RORC: variants seen among roughly 807,000 people sequenced by gnomAD.
The protein encoded by RORC is RAR related orphan receptor C.
In RORC, 13 loss-of-function variants were observed where a neutral mutation model predicts 64.5. That is an observed-to-expected ratio of 0.20 (90% CI 0.13 to 0.32). The LOEUF is 0.32. Among genes scored for constraint, RORC ranks in the 10% least tolerant of loss-of-function variants. RORC has a pLI of 1.00. For missense variants in RORC, 468 were observed against 669.5 expected (o/e 0.70, Z 3.32); for synonymous variants, 277 against 259.3 (o/e 1.07, Z -0.65).
At chr1:151,820,012 C>T (rs1362503916) in intron 2 of RORC, among the ~76,000 whole-genome samples, 1 of 152,158 alleles carries the variant, frequency 6.6e-6, no homozygotes, top group Non-Finnish European at 1.5e-5. Flanking sequence ...AAAACAGAGA[C>T]ATAGATCTAG....
In RORC at chr1:151,815,350, C is replaced by T. The variant is rs200303989; in HGVS notation, c.374G>A (p.Arg125Gln). The T allele has an allele frequency of 2.1e-5, 34 of 1,587,980 alleles. No homozygotes were observed. The East Asian group carries it at 5.2e-4, about 24-fold the overall frequency. ...HAEVQKQLQQ[R>Q]QQQQQEPVVK... ...CACTGGTTCCTGTTGCTGCTGTTGC[C>T]GCTGCTGCAGCTGTTTCTGCACTTC... Residue 125 changes from arginine to glutamine, a missense_variant, in exon 5 of 11, where the codon CGG (arginine) becomes CAG (glutamine). Transcript: ENST00000318247.
intron 4 of RORC, among the ~76,000 whole-genome samples, chr1:151,816,066 GC>G (rs1428721474): frequency 6.6e-6 from 1 of 152,176 alleles, no homozygotes; most frequent in African/African-American, 2.4e-5. Flanking sequence ...GTGCTGACGG[GC>G]TCCTTCTGGC....
intron 2 of RORC, 95 bp downstream of exon 2, chr1:151,829,334 T>G (rs977786099): frequency 7.3e-6 from 9 of 1,238,550 alleles, no homozygotes; most frequent in Non-Finnish European, 1.0e-5. Flanking sequence ...CTCCTCCACC[T>G]CTGTCCAACC....
rs201231887 is a variant in RORC at position 151,807,342 on chromosome 1, G to C, written c.*130C>G. On this transcript the variant is annotated 3_prime_UTR_variant, in exon 11 of 11. Transcript: ENST00000318247. The surrounding 1 kb of genome is among the most constrained non-coding windows in gnomAD (Gnocchi z 5.0). Reference sequence around the variant, plus strand: ...TGACAGAAAGCCAGCCGCAGCATCTGCTCACTTCCAAAGAGCTGGTGGGGA... The same window carrying C: ...TGACAGAAAGCCAGCCGCAGCATCTCCTCACTTCCAAAGAGCTGGTGGGGA... The C allele has an allele frequency of 1.1e-6, 1 of 876,118 alleles. No homozygotes were observed. The highest frequency in any genetic ancestry group is 1.9e-5 in the South Asian group (1 of 52,030). The allele number at this position is 876,118 out of a possible 1,614,324, so 54.3% of individuals were successfully genotyped here.
intron 1 of RORC, chr1:151,831,149 C>T: frequency 3.2e-6 from 4 of 1,262,348 alleles, no homozygotes; most frequent in Non-Finnish European, 3.1e-6. Flanking sequence ...AGATGAAATC[C>T]CACATCCCTG....
chr1:151,814,773 G>A, intron 5 of RORC, 78 bp from the exon 6 acceptor site: 1 of 1,558,242 alleles, frequency 6.4e-7, no homozygotes, highest in Non-Finnish European at 8.7e-7. Context: ...TTCTCAGCCT[G>A]GCCTATCCTG....
In RORC at chr1:151,815,047, G is replaced by T. The variant is rs755454173; in HGVS notation, c.677C>A (p.Pro226His). The change falls in exon 5 of 11, where the codon CCT (proline) becomes CAT (histidine). Residue 226 changes from proline to histidine, a missense_variant. This residue lies in a region of RORC where 241 missense variants were observed against 295.5 expected (regional missense o/e 0.82). Transcript: ENST00000318247. ...SFYSTGSQLT[P>H]DRCGLRFEEH... ...CTCAAAACGAAGTCCACATCGGTCA[G>T]GGGTCAGCTGGCTGCCTGTGCTATA... 5.0e-6 allele frequency: 8 copies of T among 1,614,250 alleles called. No homozygotes were observed. Among genetic ancestry groups the T allele is most frequent in the Non-Finnish European group, 6.8e-6 (8 of 1,180,044 alleles).
chr1:151,815,070 A>G lies in RORC; in HGVS notation c.654T>C (p.Tyr218=). The change falls in exon 5 of 11, where the codon TAT becomes TAC. Residue 218 remains tyrosine (Y), a synonymous_variant. Coordinates refer to ENST00000318247, the MANE Select transcript of RORC (RefSeq NM_005060.4). ...RGKAEGRESF[Y]STGSQLTPDR... The stretch of plus-strand genomic sequence containing the variant: ...CAGGGGTCAGCTGGCTGCCTGTGCT[A>G]TAGAAGCTCTCTCTGCCCTCAGCCT... 6.2e-7 allele frequency: 1 copy of G among 1,614,222 alleles called. No homozygotes were observed. Among genetic ancestry groups the G allele is most frequent in the Non-Finnish European group, 8.5e-7 (1 of 1,180,044 alleles).
At chr1:151,816,321 C>A (rs952520295) in intron 4 of RORC, among the ~76,000 whole-genome samples, 2 of 152,200 alleles carry the variant, frequency 1.3e-5, no homozygotes, top group African/African-American at 4.8e-5. Flanking sequence ...AGAACTACAA[C>A]AACAGGGTAG....
chr1:151,829,455 A>T lies in RORC; in HGVS notation c.44T>A (p.Leu15Gln). The change falls in exon 2 of 11, where the codon CTG (leucine) becomes CAG (glutamine). Residue 15 changes from leucine (L) to glutamine (Q), a missense_variant. Physicochemically the swap from Leu to Gln is moderately radical, Grantham distance 113. This residue lies in a region of RORC where 21 missense variants were observed against 20.6 expected (regional missense o/e 1.02). Coordinates refer to ENST00000318247, the MANE Select transcript of RORC (RefSeq NM_005060.4). ...GGTGTGGGTCTTCTTTGCAGCCAGCAGCTCTGTAAAGACAAGAGAGGGGGT... is the reference window on the plus strand; with the variant it reads ...GGTGTGGGTCTTCTTTGCAGCCAGCTGCTCTGTAAAGACAAGAGAGGGGGT... ...PQRQHRASRE[L>Q]LAAKKTHTSQ... The T allele has an allele frequency of 2.0e-6, 3 of 1,532,784 alleles. No homozygotes were observed. The highest frequency in any genetic ancestry group is 2.6e-6 in the Non-Finnish European group (3 of 1,148,068). The allele number at this position is 1,532,784 out of a possible 1,614,324, so 94.9% of individuals were successfully genotyped here. A position where few individuals can be genotyped will look rare whatever the true frequency, so the allele number is the denominator to read the frequency against.
At chr1:151,828,927 C>A (rs1454428600) in intron 2 of RORC, among the ~76,000 whole-genome samples, 2 of 150,222 alleles carry the variant, frequency 1.3e-5, no homozygotes, top group East Asian at 3.9e-4. Context: ...TGCAGTGAGC[C>A]GAGATTGTGC....
At chr1:151,819,178 A>C (rs1651886908) in intron 2 of RORC, among the ~76,000 whole-genome samples, 1 of 152,192 alleles carries the variant, frequency 6.6e-6, no homozygotes, top group Non-Finnish European at 1.5e-5. Context: ...AGAGAGAATA[A>C]GAGGGCACTG....
At position 151,814,975 on chromosome 1, in the gene RORC, C is replaced by G; in HGVS notation, c.749G>C (p.Ser250Thr). ...GLGELGQGPD[S>T]YGSPSFRSTP... The stretch of plus-strand genomic sequence containing the variant: ...GCTGCGGAAACTGGGGCTGCCGTAG[C>G]TGTCTGGGCCCTGTCCCAGTTCCCC... The change falls in exon 5 of 11, where the codon AGC becomes ACC. Residue 250 changes from serine to threonine, a missense_variant. Ser to Thr is a moderately conservative substitution (Grantham distance 58, BLOSUM62 1). Around this residue, in one of 5 missense-constraint regions of RORC, gnomAD observed 241 missense variants for 295.5 expected, o/e 0.82. Coordinates refer to ENST00000318247, the MANE Select transcript of RORC (RefSeq NM_005060.4). The G allele has an allele frequency of 6.2e-7, 1 of 1,614,210 alleles. No individual in the cohort carries two copies. The highest frequency in any genetic ancestry group is 8.5e-7 in the Non-Finnish European group (1 of 1,180,024).
At chr1:151,811,181 T>TC (rs763567733) in intron 10 of RORC, 144 bp downstream of exon 10, 4 of 518,968 alleles carry the variant, frequency 7.7e-6, no homozygotes, top group Non-Finnish European at 1.4e-5. Context: ...TTCCCTTAGT[T>TC]CCCACTGCTG....
At position 151,831,288 on chromosome 1, in the gene RORC, G is replaced by C. The variant is rs12126984; in HGVS notation, c.40+437C>G. Among the ~76,000 whole-genome samples the C allele has an allele frequency of 0.8, 121,855 of 152,080 alleles. 49,654 individuals are homozygous for C. The highest frequency in any genetic ancestry group is 0.91 in the Middle Eastern group (269 of 294). On this transcript the variant is annotated intron_variant, in intron 1 of 10. Transcript: ENST00000318247. ...TTTCTCCACTGGTGAATGAACAGAA[G>C]GTGGAGCAGCCAGCCTCCCGGCCAC...
intron 1 of RORC, 143 bp from the exon 2 acceptor site, chr1:151,829,601 T>G: frequency 1.4e-5 from 9 of 653,848 alleles, no homozygotes; most frequent in African/African-American, 3.8e-5. Flanking sequence ...CCCCCTGCAG[T>G]GCCCCTCTCT....
chr1:151,817,152 A>G (rs778669711), intron 3 of RORC, 43 bp downstream of exon 3: 656 of 1,203,738 alleles, frequency 5.4e-4, no homozygotes, highest in Middle Eastern at 7.9e-4. Flanking sequence ...GCGCTTGTGT[A>G]TGCACACGCA....
In RORC at chr1:151,807,678, T is replaced by C; in HGVS notation, c.1396-45A>G. The C allele has an allele frequency of 6.2e-7, 1 of 1,600,042 alleles. No individual in the cohort carries two copies. Among genetic ancestry groups the C allele is most frequent in the Non-Finnish European group, 8.5e-7 (1 of 1,170,080 alleles). On this transcript the variant is annotated intron_variant, in intron 10 of 10. Coordinates refer to ENST00000318247, the MANE Select transcript of RORC (RefSeq NM_005060.4). This position sits in a 1 kb window ranked among gnomAD's most constrained non-coding sequence, Gnocchi z 5.0. ...GAAGGGAGGGTCAATACTTCAGCTC[T>C]CCTCAGAGCAAAGAAGTCCGCTCAT...
Position 151,814,639 on chromosome 1 carries a change from C to T in RORC, c.868G>A (p.Glu290Lys). 6.2e-7 allele frequency: 1 copy of T among 1,612,710 alleles called. No homozygotes were observed. The highest frequency in any genetic ancestry group is 8.5e-7 in the Non-Finnish European group (1 of 1,179,366). ...TTGGAGCGCTGCCGCAGCAGGTCCT[C>T]CAGCCGCAGCTGGCATGTCTCCCTG... ...SYRETCQLRL[E>K]DLLRQRSNIF... Residue 290 changes from glutamate to lysine, a missense_variant, in exon 6 of 11, where the codon GAG becomes AAG. Physicochemically the swap from Glu to Lys is moderately conservative, Grantham distance 56. Around this residue, in one of 5 missense-constraint regions of RORC, gnomAD observed 100 missense variants for 190.8 expected, o/e 0.52. Transcript: ENST00000318247.
Sources: gnomAD v4.1 joint callset for allele counts (sites outside exome capture counted in the v4.1 genomes callset) on GRCh38, gnomAD v4.1.1 for gene constraint, gnomAD v4.1.1 regional missense constraint, Gnocchi (gnomAD v3.1) non-coding constraint, MANE v1.5 for transcripts, NCBI Gene and HGNC (gene_info 2026-07-23, HGNC 2026-07-21) for gene names.